Variants in CCDC148 observed in about 807,000 individuals in gnomAD.
The protein encoded by CCDC148 is coiled-coil domain-containing protein 148.
CCDC148 carries 89 observed loss-of-function variants against 85.7 expected under a neutral mutation model. The observed-to-expected ratio is 1.04, with a 90% CI of 0.87 to 1.24. CCDC148 has a LOEUF of 1.24. CCDC148 is among the 50% of genes most tolerant of loss of function. CCDC148 has a pLI of 0.00. For missense variants in CCDC148, 692 were observed against 671.7 expected (o/e 1.03, Z -0.33); for synonymous variants, 230 against 213.9 (o/e 1.08, Z -0.66).
chr2:158,279,768 A>T (rs1184154065), intron 9 of CCDC148, among the ~76,000 whole-genome samples: 2 of 152,060 alleles, frequency 1.3e-5, no homozygotes, highest in East Asian at 3.9e-4. Flanking sequence ...TTCAGGAAAT[A>T]CAGAGAACGC....
At chr2:158,325,089 A>G (rs1376180733) in intron 7 of CCDC148, among the ~76,000 whole-genome samples, 2 of 19,048 alleles carry the variant, frequency 1.0e-4, no homozygotes, top group Admixed American at 6.0e-4. Context: ...CTCCTATTTG[A>G]AAAAAAAAAA....
intron 11 of CCDC148, among the ~76,000 whole-genome samples, chr2:158,216,386 CTTTTTTTTTTTTTT>C (rs397697591): frequency 3.4e-5 from 2 of 59,470 alleles, no homozygotes; most frequent in South Asian, 1.1e-3. Flanking sequence ...AAGCACAATA[CTTTTTTTTTTTTTT>C]TTTTTTTTTT....
intron 10 of CCDC148, among the ~76,000 whole-genome samples, chr2:158,232,238 A>T (rs1487549822): frequency 6.6e-6 from 1 of 152,144 alleles, no homozygotes; most frequent in Middle Eastern, 3.2e-3. Context: ...CATTTTGTTC[A>T]TTTTAATAAA....
At chr2:158,353,787 C>A (rs1361194900) in intron 2 of CCDC148, among the ~76,000 whole-genome samples, 1 of 152,050 alleles carries the variant, frequency 6.6e-6, no homozygotes, top group Non-Finnish European at 1.5e-5. Flanking sequence ...TTTTTCAGCA[C>A]CACACCACAC....
intron 1 of CCDC148, among the ~76,000 whole-genome samples, chr2:158,420,482 A>T (rs749856438): frequency 1.3e-5 from 2 of 152,164 alleles, no homozygotes; most frequent in Non-Finnish European, 2.9e-5. Flanking sequence ...ATATCCACCC[A>T]AACTAAACTT....
intron 9 of CCDC148, among the ~76,000 whole-genome samples, chr2:158,281,011 C>T (rs1170299852): frequency 1.3e-5 from 2 of 152,164 alleles, no homozygotes; most frequent in Non-Finnish European, 2.9e-5. Flanking sequence ...ACTGAACAAC[C>T]TGCTCCTGAT....
At chr2:158,342,533 A>G (rs1036829976) in intron 3 of CCDC148, among the ~76,000 whole-genome samples, 1 of 152,198 alleles carries the variant, frequency 6.6e-6, no homozygotes, top group African/African-American at 2.4e-5. Context: ...AAAACACAGC[A>G]CTTAAAAACC....
chr2:158,207,068 G>A (rs1686287378), intron 11 of CCDC148, among the ~76,000 whole-genome samples: 1 of 152,144 alleles, frequency 6.6e-6, no homozygotes, highest in Non-Finnish European at 1.5e-5. Flanking sequence ...ATTATGGAAA[G>A]GACAGAAAAA....
chr2:158,296,723 C>A (rs1366349658), intron 9 of CCDC148, among the ~76,000 whole-genome samples: 3 of 152,060 alleles, frequency 2.0e-5, no homozygotes, highest in Non-Finnish European at 2.9e-5. Context: ...GTAAAATAGA[C>A]CCCAATGCAG....
At chr2:158,429,391 A>G (rs568990756) in intron 1 of CCDC148, among the ~76,000 whole-genome samples, 1 of 152,214 alleles carries the variant, frequency 6.6e-6, no homozygotes, top group South Asian at 2.1e-4. Context: ...ATAGATAGAT[A>G]GATAGATAGA....
Position 158,409,331 on chromosome 2 carries a change from G to A in CCDC148, c.25+47084C>T, listed in dbSNP as rs976441857. Among the ~76,000 whole-genome samples the A allele has an allele frequency of 3.2e-4, 48 of 152,146 alleles. 1 individual carries two copies. On this transcript the variant is annotated intron_variant, in intron 1 of 13. Transcript: ENST00000283233. ...ACAGCCCATGAAAGCAGCCAGGAGA[G>A]GGTCTATATCCTACAAAGCCACAGG... is the stretch of plus-strand genomic sequence containing the variant.
chr2:158,205,664 C>A (rs1686204160), intron 11 of CCDC148, among the ~76,000 whole-genome samples: 1 of 152,196 alleles, frequency 6.6e-6, no homozygotes, highest in South Asian at 2.1e-4. Context: ...AATCATAATG[C>A]CAGATGATTC....
chr2:158,456,527 C>T lies in CCDC148; in HGVS notation c.-88G>A. ...TCCTGGGCTCTCGCCGTCAGGGGTACATCTAAGGGCTCAGCTGTTCCTACC... is the reference window on the plus strand; with the variant it reads ...TCCTGGGCTCTCGCCGTCAGGGGTATATCTAAGGGCTCAGCTGTTCCTACC... On this transcript the variant is annotated 5_prime_UTR_variant, in exon 1 of 14. An upstream start codon of the reference 5' UTR is lost. Coordinates refer to ENST00000283233, the MANE Select transcript of CCDC148 (RefSeq NM_138803.4). 6.7e-7 allele frequency: 1 copy of T among 1,500,974 alleles called. No homozygotes were observed. Among genetic ancestry groups the T allele is most frequent in the Non-Finnish European group, 9.0e-7 (1 of 1,108,286 alleles). The allele number at this position is 1,500,974 out of a possible 1,614,324, so 93.0% of individuals were successfully genotyped here.
intron 11 of CCDC148, among the ~76,000 whole-genome samples, chr2:158,184,792 G>A (rs905446041): frequency 6.6e-6 from 1 of 152,112 alleles, no homozygotes; most frequent in Non-Finnish European, 1.5e-5. Context: ...TCTCAAATGA[G>A]CGTACATCAA....
chr2:158,394,676 G>T (rs553920600), intron 1 of CCDC148, among the ~76,000 whole-genome samples: 21 of 151,820 alleles, frequency 1.4e-4, no homozygotes, highest in Non-Finnish European at 2.2e-4. Context: ...GAGAAGGAAA[G>T]ACCAACTAAA....
intron 11 of CCDC148, among the ~76,000 whole-genome samples, chr2:158,217,197 C>A (rs995235881): frequency 6.6e-6 from 1 of 151,380 alleles, no homozygotes; most frequent in Non-Finnish European, 1.5e-5. Flanking sequence ...ATAAATAAAA[C>A]AATTTCTATG....
At chr2:158,280,946 T>A (rs1157905643) in intron 9 of CCDC148, among the ~76,000 whole-genome samples, 2 of 152,102 alleles carry the variant, frequency 1.3e-5, no homozygotes, top group Non-Finnish European at 2.9e-5. Flanking sequence ...CACAGTGCAA[T>A]CAAACTAGAA....
chr2:158,340,564 C>T (rs1426240046), intron 4 of CCDC148, 34 bp downstream of exon 4: 13 of 1,479,242 alleles, frequency 8.8e-6, no homozygotes, highest in Non-Finnish European at 3.7e-6. Flanking sequence ...CAAAATAAAA[C>T]TCCCCTTTAA....
intron 10 of CCDC148, among the ~76,000 whole-genome samples, chr2:158,221,556 T>C (rs1687184276): frequency 6.6e-6 from 1 of 152,172 alleles, no homozygotes; most frequent in Non-Finnish European, 1.5e-5. Context: ...AGTGAGCGAC[T>C]GGCAGCAGGG....
Sources: allele counts gnomAD v4.1 joint callset (sites outside exome capture counted in the v4.1 genomes callset), GRCh38; gene constraint gnomAD v4.1.1; transcripts MANE v1.5; gene names NCBI Gene and HGNC (gene_info 2026-07-23, HGNC 2026-07-21).